The following SLC4A10 variants were observed in gnomAD, a reference collection of about 807,000 sequenced individuals.
The protein encoded by SLC4A10 is sodium-driven chloride bicarbonate exchanger.
Under a neutral mutation model 137.7 loss-of-function variants are expected in SLC4A10, and 42 were observed. That is an observed-to-expected ratio of 0.30 (90% CI 0.24 to 0.39). SLC4A10 has a LOEUF of 0.39. Among genes scored for constraint, SLC4A10 ranks in the 10% least tolerant of loss-of-function variants. The probability of loss-of-function intolerance (pLI) is 1.00; values close to 1 mark genes in which losing one functional copy is unlikely to be tolerated. For missense variants in SLC4A10, 925 were observed against 1,355.0 expected, an observed-to-expected ratio of 0.68 and a Z score of 4.98; for synonymous variants, 474 against 464.1, an observed-to-expected ratio of 1.02 and a Z score of -0.27.
At chr2:161,889,662 T>C (rs1036932195) in intron 10 of SLC4A10, among the ~76,000 whole-genome samples, 6 of 152,188 alleles carry the variant, frequency 3.9e-5, no homozygotes, top group African/African-American at 1.4e-4. Context: ...GTCTATTTGA[T>C]TTTTCTCTCT....
At chr2:161,629,103 C>A (rs1322278065) in intron 1 of SLC4A10, among the ~76,000 whole-genome samples, 2 of 151,952 alleles carry the variant, frequency 1.3e-5, no homozygotes, top group Non-Finnish European at 2.9e-5. Context: ...GGATGCCACT[C>A]TCAGCCCTTC....
rs1700487091 is a variant in SLC4A10 at position 161,983,421 on chromosome 2, C to T, written c.*269C>T. The T allele has an allele frequency of 1.7e-6, 1 of 593,166 alleles. No individual in the cohort carries two copies. The highest frequency in any genetic ancestry group is 1.9e-5 in the African/African-American group (1 of 53,236). The allele number at this position is 593,166 out of a possible 1,614,324, so 36.7% of individuals were successfully genotyped here. On this transcript the variant is annotated 3_prime_UTR_variant, in exon 27 of 27. Coordinates refer to ENST00000446997, the MANE Select transcript of SLC4A10 (RefSeq NM_001178015.2). ...TAAACTTCTGAGCAGTGAGACATCC[C>T]TGTGAGCAGATACAATAGCCAATGC...
chr2:161,882,585 C>T, intron 10 of SLC4A10, 141 bp downstream of exon 10: 1 of 474,740 alleles, frequency 2.1e-6, no homozygotes, highest in Non-Finnish European at 3.7e-6. Context: ...GCTATAAAAT[C>T]TCCTTTAGAA....
chr2:161,719,097 C>G (rs2045312966), intron 1 of SLC4A10, among the ~76,000 whole-genome samples: 1 of 151,968 alleles, frequency 6.6e-6, no homozygotes, highest in Non-Finnish European at 1.5e-5. Flanking sequence ...TGTTCCCCTT[C>G]TTGTGTCCAT....
At chr2:161,814,568 A>G (rs959517579) in intron 3 of SLC4A10, among the ~76,000 whole-genome samples, 5 of 152,176 alleles carry the variant, frequency 3.3e-5, no homozygotes, top group Admixed American at 6.6e-5. Context: ...AATATACTCC[A>G]TGGCATACAT....
intron 1 of SLC4A10, among the ~76,000 whole-genome samples, chr2:161,655,959 G>T (rs557079509): frequency 6.6e-6 from 1 of 151,606 alleles, no homozygotes; most frequent in Middle Eastern, 3.4e-3. Context: ...GATTACAGGC[G>T]TGTGCTACCA....
intron 3 of SLC4A10, among the ~76,000 whole-genome samples, chr2:161,815,676 A>G (rs1390548964): frequency 6.6e-6 from 1 of 152,126 alleles, no homozygotes; most frequent in Non-Finnish European, 1.5e-5. Context: ...TTCAACCTCA[A>G]GGATTTTTAT....
chr2:161,659,413 A>T (rs1005347241), intron 1 of SLC4A10, among the ~76,000 whole-genome samples: 1 of 152,206 alleles, frequency 6.6e-6, no homozygotes, highest in Non-Finnish European at 1.5e-5. Context: ...GGAGTGAGTG[A>T]TGAGAAATTA....
chr2:161,826,439 G>C (rs2058024807), intron 3 of SLC4A10, among the ~76,000 whole-genome samples: 1 of 152,132 alleles, frequency 6.6e-6, no homozygotes, highest in South Asian at 2.1e-4. Context: ...TTCTGTCATT[G>C]TACTTGTAAT....
chr2:161,670,301 C>T (rs202097385), intron 1 of SLC4A10, among the ~76,000 whole-genome samples: 14 of 146,356 alleles, frequency 9.6e-5, no homozygotes, highest in Admixed American at 5.4e-4. Context: ...CTTTCATCTT[C>T]TTTTTTTTTT....
chr2:161,949,342 G>A (rs1694388468), intron 18 of SLC4A10, 81 bp downstream of exon 18: 1 of 861,320 alleles, frequency 1.2e-6, no homozygotes, highest in Admixed American at 2.8e-5. Flanking sequence ...TAGTACTTAG[G>A]ATTTTCATGA....
At chr2:161,630,305 A>T (rs1481611841) in intron 1 of SLC4A10, among the ~76,000 whole-genome samples, 1 of 151,698 alleles carries the variant, frequency 6.6e-6, no homozygotes, top group Non-Finnish European at 1.5e-5. Flanking sequence ...TTCTTATAAT[A>T]TCTTTGTTTG....
At chr2:161,677,458 A>G (rs2040391460) in intron 1 of SLC4A10, among the ~76,000 whole-genome samples, 1 of 152,218 alleles carries the variant, frequency 6.6e-6, no homozygotes, top group African/African-American at 2.4e-5. Context: ...AGAACACCAG[A>G]AAACTATTAC....
chr2:161,637,041 G>A (rs1287751286), intron 1 of SLC4A10, among the ~76,000 whole-genome samples: 1 of 141,576 alleles, frequency 7.1e-6, no homozygotes, highest in East Asian at 2.1e-4. Context: ...AATTATTTAT[G>A]TATATAGATA....
At chr2:161,831,661 A>G (rs971336364) in intron 3 of SLC4A10, among the ~76,000 whole-genome samples, 1 of 152,184 alleles carries the variant, frequency 6.6e-6, no homozygotes, top group South Asian at 2.1e-4. Flanking sequence ...TATAATCTGT[A>G]CAAAATATAA....
At chr2:161,961,518 AG>A (rs1245519152) in intron 21 of SLC4A10, among the ~76,000 whole-genome samples, 1 of 149,750 alleles carries the variant, frequency 6.7e-6, no homozygotes, top group African/African-American at 2.5e-5. Flanking sequence ...AATATGGAAG[AG>A]GTTTTGTTTA....
At chr2:161,708,854 T>C (rs1448185690) in intron 1 of SLC4A10, 2 of 1,522,080 alleles carry the variant, frequency 1.3e-6, no homozygotes, top group Admixed American at 2.1e-5. Flanking sequence ...ATTATGATGA[T>C]AATATTAGAA....
intron 2 of SLC4A10, among the ~76,000 whole-genome samples, chr2:161,781,697 C>T (rs183304589): frequency 4.5e-4 from 68 of 152,074 alleles, no homozygotes; most frequent in Middle Eastern, 6.8e-3. Flanking sequence ...ACTGATGTCA[C>T]CAAAGTGTGG....
At chr2:161,776,604 T>C (rs1376783520) in intron 2 of SLC4A10, among the ~76,000 whole-genome samples, 1 of 151,938 alleles carries the variant, frequency 6.6e-6, no homozygotes, top group South Asian at 2.1e-4. Flanking sequence ...TCCTTTCAAC[T>C]GTAGAACTTT....
Sources: allele counts gnomAD v4.1 joint callset (sites outside exome capture counted in the v4.1 genomes callset), GRCh38; gene constraint gnomAD v4.1.1; transcripts MANE v1.5; gene names NCBI Gene and HGNC (gene_info 2026-07-23, HGNC 2026-07-21).